The following FGD6 variants were observed in gnomAD, a reference collection of about 807,000 sequenced individuals.
FGD6 encodes the protein FYVE, RhoGEF and PH domain containing 6.
A neutral mutation model predicts 149.4 loss-of-function variants in FGD6; 90 were observed. The observed-to-expected ratio is 0.60, with a 90% CI of 0.51 to 0.72. FGD6 has a LOEUF of 0.72. Ranked by LOEUF, FGD6 falls within the 30% of genes least tolerant of loss-of-function variation. FGD6 has a pLI of 0.00. For missense variants in FGD6, 1,437 were observed against 1,684.8 expected (o/e 0.85, Z 2.57); for synonymous variants, 527 against 584.0 (o/e 0.90, Z 1.41).
chr12:95,103,838 T>A (rs1878524634), intron 14 of FGD6, among the ~76,000 whole-genome samples: 1 of 152,172 alleles, frequency 6.6e-6, no homozygotes, highest in South Asian at 2.1e-4. Flanking sequence ...ACCCAGCCCA[T>A]AACAATGGAC....
intron 8 of FGD6, chr12:95,116,850 A>T: frequency 4.4e-6 from 2 of 455,996 alleles, no homozygotes; most frequent in Non-Finnish European, 8.8e-6. Flanking sequence ...TGGCAAAGAG[A>T]GCAGGGCCTG....
chr12:95,106,448 T>C (rs1249264851), intron 13 of FGD6, among the ~76,000 whole-genome samples: 1 of 118,516 alleles, frequency 8.4e-6, no homozygotes, highest in Non-Finnish European at 1.7e-5. Flanking sequence ...TTTTTGTTTG[T>C]TTTTTTTTTG....
rs376366760 is a variant in FGD6 at position 95,125,972 on chromosome 12, G to T, written c.3082+8767C>A. 663 of 1,409,622 alleles carry T rather than the reference G, an allele frequency of 4.7e-4. 8 individuals are homozygous for T. In the South Asian group the frequency reaches 7.2e-3, roughly 15 times the overall value. 87.3% of individuals were successfully genotyped at this position (1,409,622 alleles called of 1,614,324 possible). A position where few individuals can be genotyped will look rare whatever the true frequency, so the allele number is the denominator to read the frequency against. On this transcript the variant is annotated intron_variant, in intron 8 of 20. Coordinates refer to ENST00000343958, the MANE Select transcript of FGD6 (RefSeq NM_018351.4). ...AGTTTCCATACAGTGCCCACCAGAA[G>T]TATGTCCCACAAGCCTGGCAGAAGG...
At chr12:95,115,557 A>G (rs967507530) in intron 8 of FGD6, among the ~76,000 whole-genome samples, 24 of 152,194 alleles carry the variant, frequency 1.6e-4, no homozygotes, top group Middle Eastern at 3.4e-3. Context: ...TATTTTTTAG[A>G]TAGGATTGTA....
At chr12:95,104,702 C>A (rs905820883) in intron 14 of FGD6, among the ~76,000 whole-genome samples, 1 of 152,006 alleles carries the variant, frequency 6.6e-6, no homozygotes, top group Non-Finnish European at 1.5e-5. Flanking sequence ...CTCAGCCTCC[C>A]GAAGTCCTGG....
At chr12:95,088,751 A>T (rs563663417) in intron 18 of FGD6, among the ~76,000 whole-genome samples, 1 of 152,366 alleles carries the variant, frequency 6.6e-6, no homozygotes, top group South Asian at 2.1e-4. Flanking sequence ...AGACATAACA[A>T]GAAACGAAGT....
chr12:95,149,934 T>C (rs1449725474), intron 5 of FGD6, among the ~76,000 whole-genome samples: 1 of 146,908 alleles, frequency 6.8e-6, no homozygotes, highest in Non-Finnish European at 1.5e-5. Context: ...ATACAAAGTA[T>C]ATTATATATA....
intron 2 of FGD6, among the ~76,000 whole-genome samples, chr12:95,198,536 T>G (rs1343614799): frequency 6.6e-6 from 1 of 152,118 alleles, no homozygotes; most frequent in Non-Finnish European, 1.5e-5. Context: ...GCCTCCCAGG[T>G]TCACGCCCTT....
intron 14 of FGD6, among the ~76,000 whole-genome samples, chr12:95,099,688 A>G (rs768379288): frequency 1.3e-5 from 2 of 152,022 alleles, no homozygotes; most frequent in African/African-American, 2.4e-5. Context: ...GGCACTCACT[A>G]CCTGGCTGCC....
At chr12:95,141,705 G>T (rs568184255) in intron 5 of FGD6, among the ~76,000 whole-genome samples, 166 bp from the exon 6 acceptor site, 20 of 152,064 alleles carry the variant, frequency 1.3e-4, no homozygotes, top group Middle Eastern at 3.4e-3. Flanking sequence ...CACTCACCTA[G>T]ATAGGAAATT....
At chr12:95,132,192 C>T (rs1592845550) in intron 8 of FGD6, among the ~76,000 whole-genome samples, 1 of 151,894 alleles carries the variant, frequency 6.6e-6, no homozygotes, top group East Asian at 1.9e-4. Flanking sequence ...TCACTGTCAC[C>T]CGGGCTGAAG....
intron 8 of FGD6, among the ~76,000 whole-genome samples, chr12:95,114,336 T>C (rs1256516431): frequency 6.6e-6 from 1 of 151,818 alleles, no homozygotes; most frequent in Non-Finnish European, 1.5e-5. Context: ...CTGGACTCGG[T>C]GGCTGATGCC....
At chr12:95,179,929 T>C (rs1225338710) in intron 2 of FGD6, among the ~76,000 whole-genome samples, 1 of 151,942 alleles carries the variant, frequency 6.6e-6, no homozygotes, top group Non-Finnish European at 1.5e-5. Flanking sequence ...AAATACAAAA[T>C]TAGCCAGGCG....
chr12:95,184,385 T>C (rs1207161427), intron 2 of FGD6, among the ~76,000 whole-genome samples: 1 of 152,172 alleles, frequency 6.6e-6, no homozygotes. Flanking sequence ...TTTAAAACTA[T>C]ATACAAGTAA....
chr12:95,166,405 C>G (rs957580781), intron 3 of FGD6, among the ~76,000 whole-genome samples: 1 of 152,102 alleles, frequency 6.6e-6, no homozygotes. Flanking sequence ...TAGGTTTTTA[C>G]CCTTTTAAAG....
chr12:95,111,114 T>C (rs1359331978), intron 9 of FGD6, among the ~76,000 whole-genome samples: 2 of 152,088 alleles, frequency 1.3e-5, no homozygotes, highest in Non-Finnish European at 2.9e-5. Flanking sequence ...ACTGAGTACC[T>C]GGTATTACAG....
intron 14 of FGD6, 36 bp downstream of exon 14, chr12:95,104,971 G>GAAAAAAAAA: frequency 7.4e-7 from 1 of 1,349,986 alleles, no homozygotes; most frequent in Non-Finnish European, 9.9e-7. Context: ...CTCAGAATGA[G>GAAAAAAAAA]AAAAAAAAAA....
intron 18 of FGD6, among the ~76,000 whole-genome samples, chr12:95,089,172 T>C (rs959591815): frequency 9.2e-5 from 14 of 152,248 alleles, no homozygotes; most frequent in African/African-American, 3.4e-4. Flanking sequence ...CTATCAGTGA[T>C]ATCAGCTGTG....
In FGD6 at chr12:95,094,806, CA is replaced by C. The variant is rs1878184818; in HGVS notation, c.3498-113del. The C allele has an allele frequency of 1.5e-5, 11 of 736,686 alleles. No homozygotes were observed. In the South Asian group the frequency reaches 1.8e-4, roughly 12 times the overall value. The allele number at this position is 736,686 out of a possible 1,614,324, so 45.6% of individuals were successfully genotyped here. Reference sequence around the variant, plus strand: ...CCCACCACCCTCCAACAATACCAGTCAAAAAAGTAGCAACTCCTCAGAGTTG... The same window carrying C: ...CCCACCACCCTCCAACAATACCAGTCAAAAAGTAGCAACTCCTCAGAGTTG... On this transcript the variant is annotated intron_variant, in intron 14 of 20. Coordinates refer to ENST00000343958, the MANE Select transcript of FGD6 (RefSeq NM_018351.4).
Sources: gnomAD v4.1 joint callset for allele counts (sites outside exome capture counted in the v4.1 genomes callset) on GRCh38, gnomAD v4.1.1 for gene constraint, MANE v1.5 for transcripts, NCBI Gene and HGNC (gene_info 2026-07-23, HGNC 2026-07-21) for gene names.